LDB3: variants seen among roughly 807,000 people sequenced by gnomAD.
The protein encoded by LDB3 is LIM domain-binding protein 3.
A neutral mutation model predicts 69.0 loss-of-function variants in LDB3; 49 were observed. That is an observed-to-expected ratio of 0.71 (90% CI 0.56 to 0.90). LDB3 has a LOEUF of 0.90. Among genes scored for constraint, LDB3 ranks in the 40% least tolerant of loss-of-function variants. The pLI is 0.00. For synonymous variants in LDB3, 387 were observed against 396.2 expected (o/e 0.98, Z 0.28); for missense variants, 928 against 974.1 (o/e 0.95, Z 0.63).
chr10:86,718,932 A>G, intron 12 of LDB3, 85 bp downstream of exon 12: 1 of 1,563,022 alleles, frequency 6.4e-7, no homozygotes, highest in South Asian at 1.1e-5. Flanking sequence ...TGCCTAATCC[A>G]TTCACATCCG....
intron 9 of LDB3, among the ~76,000 whole-genome samples, chr10:86,712,219 G>T (rs114673098): frequency 0.022 from 3,306 of 152,262 alleles, 59 homozygotes; most frequent in South Asian, 0.075. Context: ...AAGCAAGGAA[G>T]CCGTCAAATC....
At chr10:86,694,307 T>TTGAAGGGTGGGAGAGTAGTCC (rs1845907847) in intron 7 of LDB3, among the ~76,000 whole-genome samples, 1 of 152,154 alleles carries the variant, frequency 6.6e-6, no homozygotes, top group Non-Finnish European at 1.5e-5. Context: ...TTGAGGGTAA[T>TTGAAGGGTGGGAGAGTAGTCC]TGAAGGGTGG....
At chr10:86,709,599 C>T (rs1350694005) in intron 8 of LDB3, among the ~76,000 whole-genome samples, 4 of 152,182 alleles carry the variant, frequency 2.6e-5, no homozygotes, top group African/African-American at 9.7e-5. Flanking sequence ...CTCTCCCCTA[C>T]CTATGCGCTC....
intron 2 of LDB3, among the ~76,000 whole-genome samples, chr10:86,674,679 C>T (rs1844683290): frequency 1.3e-5 from 2 of 152,164 alleles, no homozygotes; most frequent in South Asian, 4.1e-4. Flanking sequence ...CATTTAAATG[C>T]TCAAAGGCGG....
At chr10:86,681,863 C>A (rs528600962) in intron 5 of LDB3, 60 bp downstream of exon 5, 3 of 1,495,132 alleles carry the variant, frequency 2.0e-6, no homozygotes, top group African/African-American at 1.4e-5. Context: ...CCTCGGTGCT[C>A]GGCAGAGACC....
At chr10:86,682,119 C>G (rs1845186832) in intron 5 of LDB3, among the ~76,000 whole-genome samples, 1 of 152,214 alleles carries the variant, frequency 6.6e-6, no homozygotes, top group Non-Finnish European at 1.5e-5. Context: ...ATTCTGACTT[C>G]CAACACTTTT....
intron 7 of LDB3, among the ~76,000 whole-genome samples, chr10:86,693,620 A>G (rs1416011123): frequency 1.3e-5 from 2 of 152,250 alleles, no homozygotes; most frequent in Non-Finnish European, 2.9e-5. Flanking sequence ...GGGTCCTCCC[A>G]GGCCTGCTAA....
intron 7 of LDB3, among the ~76,000 whole-genome samples, chr10:86,695,413 G>C (rs59916001): frequency 0.013 from 1,960 of 152,276 alleles, 41 homozygotes; most frequent in African/African-American, 0.044. Context: ...GCTTCCATCT[G>C]AGGCTCCAGT....
At chr10:86,716,297 C>A (rs553400394) in intron 9 of LDB3, 30 bp from the exon 10 acceptor site, 27 of 1,611,112 alleles carry the variant, frequency 1.7e-5, no homozygotes, top group South Asian at 1.6e-4. Context: ...CCTGACACAC[C>A]TTTCTTTGGG....
intron 9 of LDB3, among the ~76,000 whole-genome samples, chr10:86,714,400 A>T (rs6586025): frequency 0.45 from 67,668 of 151,938 alleles, 17,955 homozygotes; most frequent in African/African-American, 0.73. Context: ...GAATGAATGG[A>T]TTTGGAGATG....
At chr10:86,670,385 A>G (rs1844401719) in intron 2 of LDB3, among the ~76,000 whole-genome samples, 1 of 152,082 alleles carries the variant, frequency 6.6e-6, no homozygotes, top group African/African-American at 2.4e-5. Context: ...TCCTTCCTGT[A>G]TAAGGTGGAG....
chr10:86,701,368 G>C (rs1238253259), intron 7 of LDB3, among the ~76,000 whole-genome samples: 1 of 152,208 alleles, frequency 6.6e-6, no homozygotes, highest in Non-Finnish European at 1.5e-5. Flanking sequence ...CCTGCTCCCA[G>C]ACCCCAGCCT....
chr10:86,713,693 C>T (rs549648286), intron 9 of LDB3, among the ~76,000 whole-genome samples: 1 of 152,280 alleles, frequency 6.6e-6, no homozygotes, highest in Non-Finnish European at 1.5e-5. Flanking sequence ...TGGTGGTGTT[C>T]CTGGAATCAC....
chr10:86,681,325 C>G (rs575103528), intron 4 of LDB3, 111 bp from the exon 5 acceptor site: 10 of 1,513,240 alleles, frequency 6.6e-6, no homozygotes, highest in Non-Finnish European at 7.2e-6. Flanking sequence ...GGGCTTCAGG[C>G]TGCGGGGCTC....
At chr10:86,678,899 C>A (rs536573844) in intron 2 of LDB3, among the ~76,000 whole-genome samples, 20 of 152,312 alleles carry the variant, frequency 1.3e-4, no homozygotes, top group African/African-American at 4.3e-4. Context: ...CTCAGCCTCC[C>A]AAAGTGCTGG....
chr10:86,710,064 C>T lies in LDB3; in HGVS notation c.1231+14C>T. On this transcript the variant is annotated intron_variant, in intron 9 of 13. Coordinates refer to ENST00000361373, the MANE Select transcript of LDB3 (RefSeq NM_007078.3). ...TCTACCAGCCAGGTAAGAGGCAGAG[C>T]AGGAGGGGAGGCTGTCGAAAGCCAT... The T allele has an allele frequency of 6.2e-7, 1 of 1,611,876 alleles. No individual in the cohort carries two copies. The highest frequency in any genetic ancestry group is 8.5e-7 in the Non-Finnish European group (1 of 1,179,864).
intron 7 of LDB3, among the ~76,000 whole-genome samples, chr10:86,695,386 G>A (rs950137917): frequency 6.6e-6 from 1 of 152,228 alleles, no homozygotes; most frequent in African/African-American, 2.4e-5. Flanking sequence ...TGGTATCTCT[G>A]TGTCTGGTAG....
chr10:86,692,520 C>G lies in LDB3; in HGVS notation c.860-15C>G, dbSNP rs727503126. The G allele has an allele frequency of 6.2e-7, 1 of 1,614,116 alleles. No individual in the cohort carries two copies. The highest frequency in any genetic ancestry group is 1.1e-5 in the South Asian group (1 of 91,088). ...TCTCCCGTGAGTCCCCTGACCAGCT[C>G]CTTTCTACCAACAGTGCAAGACCCT... On this transcript the variant is annotated splice_polypyrimidine_tract_variant and intron_variant, in intron 6 of 13. Transcript: ENST00000361373.
intron 5 of LDB3, among the ~76,000 whole-genome samples, chr10:86,684,394 A>G (rs1416836765): frequency 6.6e-6 from 1 of 152,234 alleles, no homozygotes; most frequent in Admixed American, 6.5e-5. Flanking sequence ...GGGAGGGCAG[A>G]GGCAGCCCCC....
Sources: allele counts gnomAD v4.1 joint callset (sites outside exome capture counted in the v4.1 genomes callset), GRCh38; gene constraint gnomAD v4.1.1; transcripts MANE v1.5; gene names NCBI Gene and HGNC (gene_info 2026-07-23, HGNC 2026-07-21).